Variants in CYP2C8 observed in about 807,000 individuals in gnomAD.
CYP2C8 encodes the protein cytochrome P450 family 2 subfamily C member 8, also known as cytochrome P450 2C8.
CYP2C8 carries 51 observed loss-of-function variants against 41.3 expected under a neutral mutation model. The ratio of observed to expected loss-of-function variants is 1.24; its 90% confidence interval spans 0.99 to 1.56. The LOEUF (loss-of-function observed/expected upper bound fraction) is 1.56. Ranked by LOEUF, CYP2C8 falls within the 40% of genes most tolerant of loss-of-function variation. CYP2C8 has a pLI of 0.00. For synonymous variants in CYP2C8, 218 were observed against 205.8 expected, an observed-to-expected ratio of 1.06 and a Z score of -0.51; for missense variants, 651 against 579.9, an observed-to-expected ratio of 1.12 and a Z score of -1.26.
At chr10:95,056,265 A>C (rs1185425160) in intron 5 of CYP2C8, among the ~76,000 whole-genome samples, 1 of 152,180 alleles carries the variant, frequency 6.6e-6, no homozygotes, top group Non-Finnish European at 1.5e-5. Context: ...TATTGGCTAT[A>C]ATATGGAAAA....
intron 5 of CYP2C8, among the ~76,000 whole-genome samples, chr10:95,050,754 T>G (rs549596960): frequency 1.3e-5 from 2 of 152,280 alleles, no homozygotes; most frequent in African/African-American, 4.8e-5. Context: ...TCACAACACT[T>G]AACTCATTTC....
chr10:95,066,119 T>TGAGAGAGAGAGAGAGAGAGAGAGA (rs144502351), intron 3 of CYP2C8, among the ~76,000 whole-genome samples: 3 of 97,762 alleles, frequency 3.1e-5, no homozygotes, highest in African/African-American at 4.2e-5. Context: ...GAAGCCTTGG[T>TGAGAGAGAGAGAGAGAGAGAGAGA]GAGAGAGAGA....
intron 5 of CYP2C8, among the ~76,000 whole-genome samples, chr10:95,055,357 T>G (rs1934957): frequency 0.26 from 39,857 of 151,792 alleles, 5,446 homozygotes; most frequent in Non-Finnish European, 0.29. Flanking sequence ...AGGAAGAGTT[T>G]CAAAAAAAAA....
intron 6 of CYP2C8, among the ~76,000 whole-genome samples, chr10:95,044,541 C>T (rs2033070188): frequency 6.6e-6 from 1 of 152,106 alleles, no homozygotes; most frequent in South Asian, 2.1e-4. Flanking sequence ...ATCTAGCTGG[C>T]TGCTGAATGT....
chr10:95,051,328 A>G (rs954804236), intron 5 of CYP2C8, among the ~76,000 whole-genome samples: 3 of 152,192 alleles, frequency 2.0e-5, no homozygotes, highest in African/African-American at 7.2e-5. Flanking sequence ...AAGAAAAAAG[A>G]ATAAAAAACA....
rs1401740485 is a variant in CYP2C8, at chr10:95,039,123, T to C, written c.1150-85A>G. On this transcript the variant is annotated intron_variant, in intron 7 of 8. Transcript: ENST00000371270. ...GTGGACATCACGTAGCGCCATAACG[T>C]TGATCTATAGATGAGGAAACTCAGG... 3.9e-6 allele frequency: 5 copies of C among 1,274,236 alleles called. No individual in the cohort carries two copies. The East Asian group carries it at 1.2e-4, about 30-fold the overall frequency. The allele number at this position is 1,274,236 out of a possible 1,614,324, so 78.9% of individuals were successfully genotyped here.
At chr10:95,040,226 A>G (rs1362672971) in intron 7 of CYP2C8, among the ~76,000 whole-genome samples, 1 of 152,212 alleles carries the variant, frequency 6.6e-6, no homozygotes. Context: ...GGCATTACAT[A>G]CTGCAGTATT....
At chr10:95,063,135 A>G (rs1166278258) in intron 4 of CYP2C8, among the ~76,000 whole-genome samples, 1 of 152,124 alleles carries the variant, frequency 6.6e-6, no homozygotes, top group Admixed American at 6.5e-5. Flanking sequence ...GCTCTTCTCA[A>G]GGAGTATCTT....
At chr10:95,054,478 AC>A (rs2033274729) in intron 5 of CYP2C8, among the ~76,000 whole-genome samples, 1 of 152,052 alleles carries the variant, frequency 6.6e-6, no homozygotes, top group African/African-American at 2.4e-5. Context: ...AAAAGCTTAT[AC>A]CCCAAAATCA....
chr10:95,065,107 T>G, intron 3 of CYP2C8, 147 bp from the exon 4 acceptor site: 3 of 669,530 alleles, frequency 4.5e-6, no homozygotes, highest in Non-Finnish European at 4.3e-6. Context: ...ATGGATGAAA[T>G]AAACACATTA....
intron 5 of CYP2C8, among the ~76,000 whole-genome samples, chr10:95,056,972 G>C (rs535038620): frequency 3.3e-5 from 5 of 152,186 alleles, no homozygotes; most frequent in Non-Finnish European, 7.3e-5. Flanking sequence ...CTCCTGCAGA[G>C]CAGGGCTATG....
At chr10:95,051,202 A>G (rs188099688) in intron 5 of CYP2C8, among the ~76,000 whole-genome samples, 1 of 152,332 alleles carries the variant, frequency 6.6e-6, no homozygotes, top group Admixed American at 6.5e-5. Flanking sequence ...TGCAATTGGC[A>G]TACTGAAGAA....
Position 95,067,673 on chromosome 10 carries a change from G to C in CYP2C8, c.187C>G (p.Pro63Ala), listed in dbSNP as rs777455799. 35 of 1,614,014 alleles carry C rather than the reference G, an allele frequency of 2.2e-5. No individual in the cohort carries two copies. Among genetic ancestry groups the C allele is most frequent in the Non-Finnish European group, 3.0e-5 (35 of 1,180,042 alleles). Residue 63 changes from proline to alanine, a missense_variant, in exon 2 of 9, where the codon CCT becomes GCT. Coordinates refer to ENST00000371270, the MANE Select transcript of CYP2C8 (RefSeq NM_000770.3). ...SFTNFSKVYG[P>A]VFTVYFGMNP... ...ATGCCAAAATACACGGTGAACACAG[G>C]ACCATAGACTTTTGAGAACTGGGAA...
At chr10:95,054,015 T>G (rs1337556707) in intron 5 of CYP2C8, among the ~76,000 whole-genome samples, 1 of 152,100 alleles carries the variant, frequency 6.6e-6, no homozygotes, top group Non-Finnish European at 1.5e-5. Flanking sequence ...CAAAGATGTT[T>G]TATATCAAAT....
At chr10:95,050,796 G>A (rs919088424) in intron 5 of CYP2C8, among the ~76,000 whole-genome samples, 26 of 152,068 alleles carry the variant, frequency 1.7e-4, no homozygotes, top group African/African-American at 6.3e-4. Context: ...GTTCACTGCT[G>A]GTGCAGTATT....
chr10:95,060,125 G>A (rs145809484), intron 4 of CYP2C8, among the ~76,000 whole-genome samples: 57,187 of 151,636 alleles, frequency 0.38, 11,151 homozygotes, highest in Middle Eastern at 0.51. Context: ...TTGACAATGC[G>A]GGCTCTTTTT....
chr10:95,046,397 T>C (rs2033109930), intron 5 of CYP2C8, among the ~76,000 whole-genome samples: 1 of 151,638 alleles, frequency 6.6e-6, no homozygotes, highest in Non-Finnish European at 1.5e-5. Context: ...TGGCAAAAAG[T>C]AGAAGGGCAA....
intron 1 of CYP2C8, 50 bp downstream of exon 1, chr10:95,069,185 C>T (rs2033629149): frequency 6.2e-7 from 1 of 1,607,472 alleles, no homozygotes; most frequent in African/African-American, 1.3e-5. Flanking sequence ...AAATAGCAGT[C>T]AAATAACTTA....
Position 95,067,554 on chromosome 10 carries a change from T to A in CYP2C8, c.306A>T (p.Ile102=). 1 of 1,614,128 alleles carries A rather than the reference T, an allele frequency of 6.2e-7. No individual in the cohort carries two copies. The highest frequency in any genetic ancestry group is 8.5e-7 in the Non-Finnish European group (1 of 1,180,016). ...EEFSGRGNSP[I]SQRITKGLGI... ...CAAGTCCTTTAGTAATTCTTTGAGA[T>A]ATTGGGGAATTGCCTCTTCCAGAAA... Residue 102 remains isoleucine (I), a synonymous_variant, in exon 2 of 9, where the codon ATA becomes ATT. Coordinates refer to ENST00000371270, the MANE Select transcript of CYP2C8 (RefSeq NM_000770.3).
Sources: gnomAD v4.1 joint callset for allele counts (sites outside exome capture counted in the v4.1 genomes callset) on GRCh38, gnomAD v4.1.1 for gene constraint, MANE v1.5 for transcripts, NCBI Gene and HGNC (gene_info 2026-07-23, HGNC 2026-07-21) for gene names.